The following POLK variants were observed in gnomAD, a reference collection of about 807,000 sequenced individuals.
The protein encoded by POLK is DNA polymerase kappa.
A neutral mutation model predicts 94.0 loss-of-function variants in POLK; 76 were observed. The ratio of observed to expected loss-of-function variants is 0.81; its 90% confidence interval spans 0.67 to 0.98. The LOEUF (loss-of-function observed/expected upper bound fraction) is 0.98. Ranked by LOEUF, POLK falls within the 50% of genes least tolerant of loss-of-function variation. The probability of loss-of-function intolerance (pLI) is 0.00; values close to 1 mark genes in which losing one functional copy is unlikely to be tolerated. For missense variants in POLK, 954 were observed against 1,010.1 expected, an observed-to-expected ratio of 0.94 and a Z score of 0.75; for synonymous variants, 349 against 325.4, an observed-to-expected ratio of 1.07 and a Z score of -0.78.
intron 6 of POLK, among the ~76,000 whole-genome samples, chr5:75,580,304 C>T (rs1772129321): frequency 1.3e-5 from 2 of 151,882 alleles, no homozygotes; most frequent in Admixed American, 1.3e-4. Flanking sequence ...TTGTTGCTAA[C>T]CTTGGTTGTT....
chr5:75,578,301 G>A (rs1004170736), intron 6 of POLK, among the ~76,000 whole-genome samples: 3 of 151,986 alleles, frequency 2.0e-5, no homozygotes, highest in East Asian at 1.9e-4. Context: ...GATTAGAGGC[G>A]CGTGCCACCA....
intron 3 of POLK, among the ~76,000 whole-genome samples, chr5:75,559,499 G>T (rs950637317): frequency 6.9e-6 from 1 of 145,036 alleles, no homozygotes; most frequent in African/African-American, 2.5e-5. Flanking sequence ...TATTGATTTG[G>T]GGTTTGTTTT....
intron 1 of POLK, among the ~76,000 whole-genome samples, chr5:75,522,288 A>G (rs1037372209): frequency 6.6e-6 from 1 of 152,128 alleles, no homozygotes; most frequent in Non-Finnish European, 1.5e-5. Context: ...ATAGATATTG[A>G]ATTCTGATTC....
exon 4 of POLK, chr5:75,569,372 C>T (rs370103947): frequency 1.2e-6 from 2 of 1,611,320 alleles, no homozygotes; most frequent in Non-Finnish European, 1.7e-6. Context: ...TAGAACAAAG[C>T]CGAAATTTGA....
Position 75,581,207 on chromosome 5 carries a change from A to T in POLK, c.695-2A>T. On this transcript the variant is annotated splice_acceptor_variant, in intron 6 of 14. Transcript: ENST00000241436. LOFTEE classifies it high-confidence loss of function. ...TGAGTTATTTTCCTGTTTATGACTTAGATAATCCAGGAAAGGAAGTTAATA... is the reference window on the plus strand; with the variant it reads ...TGAGTTATTTTCCTGTTTATGACTTTGATAATCCAGGAAAGGAAGTTAATA... 1 of 1,585,528 alleles carries T rather than the reference A, an allele frequency of 6.3e-7. No individual in the cohort carries two copies. The highest frequency in any genetic ancestry group is 8.7e-7 in the Non-Finnish European group (1 of 1,154,798).
In POLK at chr5:75,585,330, GATTC is replaced by G. The variant is rs1315033394; in HGVS notation, c.1226+414_1226+417del. On this transcript the variant is annotated intron_variant, in intron 9 of 14. Transcript: ENST00000241436. ...TAAACTACATTTCTTTTCTTTTCCG[GATTC>G]ATTCATTCAGTACTGACTACTTTAC... is the stretch of plus-strand genomic sequence containing the variant. 3.9e-5 allele frequency among the ~76,000 whole-genome samples: 6 copies of G among 152,118 alleles called. No homozygotes were observed. In the South Asian group the frequency reaches 1.0e-3, roughly 26 times the overall value.
intron 3 of POLK, among the ~76,000 whole-genome samples, chr5:75,555,137 C>T (rs560644295): frequency 6.6e-6 from 1 of 152,290 alleles, no homozygotes; most frequent in East Asian, 1.9e-4. Flanking sequence ...TATGAATCTA[C>T]GTTGACACAA....
At chr5:75,592,331 T>C (rs1395576160) in intron 11 of POLK, among the ~76,000 whole-genome samples, 2 of 152,248 alleles carry the variant, frequency 1.3e-5, no homozygotes, top group Non-Finnish European at 2.9e-5. Context: ...TTCCTTCCTT[T>C]GTAGGTAATT....
chr5:75,601,224 T>C (rs948608278), downstream of POLK: 1 of 152,192 alleles, frequency 6.6e-6, no homozygotes, highest in Non-Finnish European at 1.5e-5. Flanking sequence ...TACATTTTTT[T>C]CTTCTAGAAC....
intron 3 of POLK, among the ~76,000 whole-genome samples, chr5:75,555,442 G>A (rs905541411): frequency 5.3e-5 from 8 of 151,908 alleles, no homozygotes; most frequent in African/African-American, 1.7e-4. Context: ...CTTATGCAGT[G>A]TAATGTAAAT....
exon 5 of POLK, chr5:75,573,831 C>A: frequency 6.2e-7 from 1 of 1,613,126 alleles, no homozygotes; most frequent in Non-Finnish European, 8.5e-7. Context: ...TATAATAGTG[C>A]CCCCCAACTT....
intron 3 of POLK, among the ~76,000 whole-genome samples, chr5:75,564,486 A>G (rs935194213): frequency 1.3e-5 from 2 of 152,106 alleles, no homozygotes; most frequent in Admixed American, 1.3e-4. Context: ...TTCAAGTGTC[A>G]GTGGTCTTTA....
chr5:75,566,184 T>C (rs1277616945), intron 3 of POLK, among the ~76,000 whole-genome samples: 1 of 152,346 alleles, frequency 6.6e-6, no homozygotes, highest in South Asian at 2.1e-4. Flanking sequence ...AACCACCTAC[T>C]CAGGCCTCAG....
At chr5:75,552,395 C>T in intron 2 of POLK, 77 bp from the exon 3 acceptor site, 1 of 1,360,630 alleles carries the variant, frequency 7.3e-7, no homozygotes, top group East Asian at 2.5e-5. Flanking sequence ...AGTATGTGCT[C>T]TTAGCCACCA....
chr5:75,588,142 ATTTCTCTGCCAT>A (rs1227279162), intron 10 of POLK, among the ~76,000 whole-genome samples: 2 of 152,152 alleles, frequency 1.3e-5, no homozygotes, highest in Non-Finnish European at 2.9e-5. Context: ...TATTTGATAA[ATTTCTCTGCCAT>A]TTTCTCTGCT....
intron 4 of POLK, among the ~76,000 whole-genome samples, chr5:75,572,521 A>G (rs1379049311): frequency 3.9e-5 from 6 of 152,160 alleles, no homozygotes; most frequent in Admixed American, 2.0e-4. Flanking sequence ...TTTTATGACT[A>G]TTCTATACAA....
chr5:75,547,387 T>A (rs1044263697), intron 2 of POLK, among the ~76,000 whole-genome samples: 1 of 152,122 alleles, frequency 6.6e-6, no homozygotes, highest in African/African-American at 2.4e-5. Context: ...ATAATGTATA[T>A]GTTCCTGTTC....
chr5:75,584,875 G>A lies in POLK; in HGVS notation c.1175G>A (p.Trp392Ter), dbSNP rs757994841. 1 of 1,607,364 alleles carries A rather than the reference G, an allele frequency of 6.2e-7. No homozygotes were observed. Residue 392 changes from tryptophan (W) to a stop codon, truncating the protein, a stop_gained, in exon 9 of 15, where the codon TGG becomes TAG. Coordinates refer to ENST00000241436, the Ensembl canonical transcript of POLK. LOFTEE classifies it high-confidence loss of function. Reference sequence around the variant, plus strand: ...TCTCTCCTTTTCTCTGAAACATCTTGGCATTATTTCCTTCATATCTCCTTG... The same window carrying A: ...TCTCTCCTTTTCTCTGAAACATCTTAGCATTATTTCCTTCATATCTCCTTG...
chr5:75,555,130 G>C (rs759715865), intron 3 of POLK, among the ~76,000 whole-genome samples: 3 of 152,154 alleles, frequency 2.0e-5, no homozygotes, highest in Non-Finnish European at 4.4e-5. Context: ...TACAGTTTAT[G>C]AATCTACGTT....
Sources: allele counts gnomAD v4.1 joint callset (sites outside exome capture counted in the v4.1 genomes callset), GRCh38; gene constraint gnomAD v4.1.1; transcripts MANE v1.5; gene names NCBI Gene and HGNC (gene_info 2026-07-23, HGNC 2026-07-21).